DTNA: variants seen among roughly 807,000 people sequenced by gnomAD.
DTNA encodes dystrophin-related protein 3.
In DTNA, 43 loss-of-function variants were observed where a neutral mutation model predicts 100.7. The ratio of observed to expected loss-of-function variants is 0.43; its 90% CI spans 0.33 to 0.55. The LOEUF is 0.55. Among genes scored for constraint, DTNA ranks in the 20% least tolerant of loss-of-function variants. The probability of loss-of-function intolerance (pLI) is 0.04; values close to 1 mark genes in which losing one functional copy is unlikely to be tolerated. For missense variants in DTNA, 798 were observed against 953.9 expected (o/e 0.84, Z 2.15); for synonymous variants, 349 against 347.9 (o/e 1.00, Z -0.04).
intron 1 of DTNA, among the ~76,000 whole-genome samples, chr18:34,545,574 T>C (rs997754009): frequency 6.6e-6 from 1 of 152,134 alleles, no homozygotes; most frequent in South Asian, 2.1e-4. Flanking sequence ...CATGGTAGCA[T>C]GTAAAACATT....
At chr18:34,877,458 C>A (rs2096829589) in intron 18 of DTNA, among the ~76,000 whole-genome samples, 1 of 152,178 alleles carries the variant, frequency 6.6e-6, no homozygotes, top group Non-Finnish European at 1.5e-5. Flanking sequence ...CTTTCACCTT[C>A]AAAATTGTCC....
intron 3 of DTNA, among the ~76,000 whole-genome samples, chr18:34,777,361 C>T (rs1482147147): frequency 6.6e-6 from 1 of 152,112 alleles, no homozygotes; most frequent in Non-Finnish European, 1.5e-5. Flanking sequence ...GGTTCAGTAC[C>T]TATTAATTTT....
At chr18:34,721,423 C>T (rs2085289429) in intron 1 of DTNA, among the ~76,000 whole-genome samples, 7 of 152,220 alleles carry the variant, frequency 4.6e-5, no homozygotes, top group Middle Eastern at 3.4e-3. Flanking sequence ...CATTCTGATT[C>T]TCACACACTG....
intron 1 of DTNA, among the ~76,000 whole-genome samples, chr18:34,547,440 C>A (rs368069083): frequency 6.6e-6 from 1 of 152,040 alleles, no homozygotes; most frequent in African/African-American, 2.4e-5. Flanking sequence ...CAAGGAATTA[C>A]TCTATTGTAT....
chr18:34,889,541 C>A lies in DTNA; in HGVS notation c.*1807C>A. On this transcript the variant is annotated 3_prime_UTR_variant, in exon 23 of 23. Transcript: ENST00000444659. Reference sequence around the variant, plus strand: ...CAAAAACCTTCTCTGAACCCACACACCAAGTTCGTAGTTGGTAGGTGCCCA... The same window carrying A: ...CAAAAACCTTCTCTGAACCCACACAACAAGTTCGTAGTTGGTAGGTGCCCA... 3 of 985,452 alleles carry A rather than the reference C, an allele frequency of 3.0e-6. No individual in the cohort carries two copies. The highest frequency in any genetic ancestry group is 3.6e-6 in the Non-Finnish European group (3 of 829,944). The allele number at this position is 985,452 out of a possible 1,614,324, so 61.0% of individuals were successfully genotyped here.
At chr18:34,714,627 C>G (rs1450275611) in intron 1 of DTNA, among the ~76,000 whole-genome samples, 1 of 104,882 alleles carries the variant, frequency 9.5e-6, no homozygotes, top group East Asian at 2.7e-4. Context: ...CACTTTTACA[C>G]TGTTGGTGGG....
intron 15 of DTNA, among the ~76,000 whole-genome samples, chr18:34,854,340 A>C (rs2096527433): frequency 6.6e-6 from 1 of 152,256 alleles, no homozygotes; most frequent in Non-Finnish European, 1.5e-5. Flanking sequence ...CAGAATTGGA[A>C]TGTAAAGCAG....
chr18:34,556,641 G>C (rs1199645462), intron 1 of DTNA, among the ~76,000 whole-genome samples: 1 of 151,802 alleles, frequency 6.6e-6, no homozygotes. Context: ...GCTTAGTTTG[G>C]CTGGATATGA....
rs561099133 is a variant in DTNA at position 34,730,869 on chromosome 18, C to T, written c.-2+20424C>T. On this transcript the variant is annotated intron_variant, in intron 1 of 22. Transcript: ENST00000444659. Reference sequence around the variant, plus strand: ...CATGTTGGTGTGTCCAGTAACTTCACTGAAGGTTTGGGGTTGGCAAGGACT... The same window carrying T: ...CATGTTGGTGTGTCCAGTAACTTCATTGAAGGTTTGGGGTTGGCAAGGACT... 4.6e-5 allele frequency among the ~76,000 whole-genome samples: 7 copies of T among 152,324 alleles called. No homozygotes were observed. The South Asian group carries it at 1.4e-3, about 32-fold the overall frequency.
chr18:34,597,623 G>T (rs893541245), intron 1 of DTNA, among the ~76,000 whole-genome samples: 1 of 152,072 alleles, frequency 6.6e-6, no homozygotes, highest in Non-Finnish European at 1.5e-5. Flanking sequence ...TGTCTTAAAA[G>T]GTCCATCACA....
chr18:34,675,204 T>C (rs1207390662), intron 1 of DTNA, among the ~76,000 whole-genome samples: 2 of 151,952 alleles, frequency 1.3e-5, no homozygotes, highest in African/African-American at 2.4e-5. Flanking sequence ...TTCAGCAGTA[T>C]CCTGACCTGT....
chr18:34,755,080 T>C (rs2092681127), intron 1 of DTNA, among the ~76,000 whole-genome samples: 1 of 152,222 alleles, frequency 6.6e-6, no homozygotes, highest in Non-Finnish European at 1.5e-5. Context: ...GTGGTAGACA[T>C]ACGTGTGCAT....
chr18:34,682,993 G>C (rs2078344818), intron 1 of DTNA, among the ~76,000 whole-genome samples: 1 of 151,970 alleles, frequency 6.6e-6, no homozygotes. Context: ...TATATCCCAA[G>C]TATTATTTTT....
intron 15 of DTNA, among the ~76,000 whole-genome samples, chr18:34,857,399 T>C (rs991300476): frequency 1.3e-5 from 2 of 152,202 alleles, no homozygotes; most frequent in Admixed American, 6.5e-5. Context: ...CTTCTATGCA[T>C]TTTGTTGAGT....
In DTNA at chr18:34,778,967, G is replaced by A. The variant is rs185201947; in HGVS notation, c.148+12926G>A. Among the ~76,000 whole-genome samples the A allele has an allele frequency of 5.7e-3, 859 of 151,082 alleles. 7 individuals carry two copies. Among genetic ancestry groups the A allele is most frequent in the African/African-American group, 0.018 (731 of 41,020 alleles). ...CAAGTAGCTGGGACTACAGGCGCCC[G>A]CCACCATGCCCAGCTAATTTTTTTT... On this transcript the variant is annotated intron_variant, in intron 3 of 22. Coordinates refer to ENST00000444659, the MANE Select transcript of DTNA (RefSeq NM_001386795.1).
At chr18:34,642,087 G>C (rs968961262) in intron 1 of DTNA, among the ~76,000 whole-genome samples, 1 of 152,146 alleles carries the variant, frequency 6.6e-6, no homozygotes, top group African/African-American at 2.4e-5. Flanking sequence ...CACTGGATAT[G>C]AGGTACTGCT....
At chr18:34,673,702 G>A (rs1023445897) in intron 1 of DTNA, among the ~76,000 whole-genome samples, 10 of 152,072 alleles carry the variant, frequency 6.6e-5, no homozygotes, top group Non-Finnish European at 1.3e-4. Flanking sequence ...GCTTTGTGGC[G>A]TGAAAAATTC....
intron 1 of DTNA, among the ~76,000 whole-genome samples, chr18:34,622,707 A>G (rs1250312748): frequency 6.6e-6 from 1 of 151,742 alleles, no homozygotes; most frequent in Non-Finnish European, 1.5e-5. Context: ...TTGGACAACA[A>G]CTCCAGGCTC....
At chr18:34,645,499 T>C (rs1019168777) in intron 1 of DTNA, among the ~76,000 whole-genome samples, 2 of 152,096 alleles carry the variant, frequency 1.3e-5, no homozygotes, top group Admixed American at 1.3e-4. Context: ...TTTAGTAGTA[T>C]TCCTTTCCAT....
Sources: allele counts gnomAD v4.1 joint callset (sites outside exome capture counted in the v4.1 genomes callset), GRCh38; gene constraint gnomAD v4.1.1; transcripts MANE v1.5; gene names NCBI Gene and HGNC (gene_info 2026-07-23, HGNC 2026-07-21).